The following LGI1 variants were observed in gnomAD, a reference collection of about 807,000 sequenced individuals.
LGI1 encodes leucine rich glioma inactivated 1.
Under a neutral mutation model 57.7 loss-of-function variants are expected in LGI1, and 11 were observed. The ratio of observed to expected loss-of-function variants is 0.19; its 90% CI spans 0.12 to 0.32. The LOEUF (loss-of-function observed/expected upper bound fraction) is 0.32, where lower values mean the gene tolerates loss of function less well. Among genes scored for constraint, LGI1 ranks in the 10% least tolerant of loss-of-function variants. LGI1 has a pLI of 1.00. For synonymous variants in LGI1, 222 were observed against 241.9 expected (o/e 0.92, Z 0.76); for missense variants, 422 against 661.9 (o/e 0.64, Z 3.98).
Position 93,792,913 on chromosome 10 carries a change from G to A in LGI1, c.673+1G>A. ...AAGGATTTTGATTGCATCATTACAG[G>A]TAATGTACTCATCATCATTCCACCT... is the stretch of plus-strand genomic sequence containing the variant. On this transcript the variant is annotated splice_donor_variant, in intron 6 of 7. Transcript: ENST00000371418. LOFTEE classifies it high-confidence loss of function. The A allele has an allele frequency of 6.2e-7, 1 of 1,613,332 alleles. No individual in the cohort carries two copies. The highest frequency in any genetic ancestry group is 8.5e-7 in the Non-Finnish European group (1 of 1,179,398).
chr10:93,792,987 A>C, intron 6 of LGI1, 75 bp downstream of exon 6: 2 of 1,435,680 alleles, frequency 1.4e-6, no homozygotes, highest in East Asian at 4.6e-5. Flanking sequence ...GCAGGAACTG[A>C]TATTTTTTAT....
intron 6 of LGI1, 68 bp downstream of exon 6, chr10:93,792,980 G>T: frequency 6.7e-7 from 1 of 1,481,580 alleles, no homozygotes. Context: ...TTCATGTGCA[G>T]GAACTGATAT....
chr10:93,779,949 C>T (rs544071580), intron 4 of LGI1, among the ~76,000 whole-genome samples: 9 of 152,298 alleles, frequency 5.9e-5, no homozygotes, highest in South Asian at 4.1e-4. Flanking sequence ...TTGACTGATA[C>T]GGCATTGCCA....
At chr10:93,775,545 G>A (rs11187660) in intron 2 of LGI1, among the ~76,000 whole-genome samples, 5,225 of 152,258 alleles carry the variant, frequency 0.034, 314 homozygotes, top group African/African-American at 0.12. Context: ...TTTAGTGTAA[G>A]GTGAATTCCT....
intron 4 of LGI1, among the ~76,000 whole-genome samples, chr10:93,779,509 G>A (rs2059827609): frequency 6.6e-6 from 1 of 150,578 alleles, no homozygotes; most frequent in Non-Finnish European, 1.5e-5. Flanking sequence ...AGAAAAAGAG[G>A]AAGGAAGATG....
intron 2 of LGI1, chr10:93,765,399 A>G (rs1321505345): frequency 6.6e-6 from 1 of 152,160 alleles, no homozygotes; most frequent in African/African-American, 2.4e-5. Flanking sequence ...ACTGAGGTAA[A>G]CCAGAGAAGA....
intron 6 of LGI1, 22 bp from the exon 7 acceptor site, chr10:93,793,164 T>C: frequency 6.3e-7 from 1 of 1,589,160 alleles, no homozygotes; most frequent in Admixed American, 1.7e-5. Flanking sequence ...TCACAGTTAC[T>C]TATTATTTCC....
Position 93,793,268 on chromosome 10 carries a change from C to T in LGI1, c.756C>T (p.Ile252=), listed in dbSNP as rs368264015. The part of the protein sequence containing the change: ...FSYLNDEYVV[I]AQPFTGKCIF... ...ATTTGAATGATGAGTATGTAGTCAT[C>T]GCTCAGCCTTTTACTGGAAAATGCA... Residue 252 remains isoleucine, a synonymous_variant, in exon 7 of 8, where the codon ATC becomes ATT. Transcript: ENST00000371418. The T allele has an allele frequency of 7.7e-5, 124 of 1,612,748 alleles. No individual in the cohort carries two copies. Among genetic ancestry groups the T allele is most frequent in the South Asian group, 1.4e-4 (13 of 91,046 alleles).
chr10:93,790,342 T>G (rs1228929633), intron 5 of LGI1, 172 bp downstream of exon 5: 1 of 617,908 alleles, frequency 1.6e-6, no homozygotes, highest in Non-Finnish European at 2.8e-6. Context: ...CATTTGAGTC[T>G]TCTATGGTAT....
intron 4 of LGI1, among the ~76,000 whole-genome samples, chr10:93,785,612 G>A (rs1294796144): frequency 2.0e-5 from 3 of 152,140 alleles, no homozygotes; most frequent in South Asian, 2.1e-4. Flanking sequence ...TACTTAGCAC[G>A]TATAGCAACT....
At chr10:93,794,362 C>CTT (rs71031540) in intron 7 of LGI1, among the ~76,000 whole-genome samples, 11,245 of 101,060 alleles carry the variant, frequency 0.11, 1,264 homozygotes, top group African/African-American at 0.16. Context: ...CTGGATCTCT[C>CTT]TTTTTTTTTT....
chr10:93,781,203 C>T (rs2059844192), intron 4 of LGI1, among the ~76,000 whole-genome samples: 1 of 151,418 alleles, frequency 6.6e-6, no homozygotes, highest in Non-Finnish European at 1.5e-5. Flanking sequence ...CTAAAAAATA[C>T]AAAAAATTAG....
chr10:93,784,180 A>G (rs79390366), intron 4 of LGI1, among the ~76,000 whole-genome samples: 3,988 of 152,240 alleles, frequency 0.026, 48 homozygotes, highest in Middle Eastern at 0.071. Flanking sequence ...CAAGTCTCTC[A>G]TTGACTGTGT....
chr10:93,794,783 C>T (rs571337943), intron 7 of LGI1: 216 of 151,804 alleles, frequency 1.4e-3, no homozygotes, highest in African/African-American at 4.9e-3. Flanking sequence ...CTTCTAATAC[C>T]TTTAAATCTG....
At position 93,757,969 on chromosome 10, in the gene LGI1, G is replaced by A. The variant is rs963808361; in HGVS notation, c.-176G>A. ...TCACAGGTCTCTTCCCCCGAGCAGT[G>A]CATTGCTGGAGCGAGGAGAAGCTCA... On this transcript the variant is annotated 5_prime_UTR_variant, in exon 1 of 8. Coordinates refer to ENST00000371418, the MANE Select transcript of LGI1 (RefSeq NM_005097.4). 4 of 673,116 alleles carry A rather than the reference G, an allele frequency of 5.9e-6. No homozygotes were observed. The highest frequency in any genetic ancestry group is 1.1e-5 in the Non-Finnish European group (4 of 374,932). The allele number at this position is 673,116 out of a possible 1,614,324, so 41.7% of individuals were successfully genotyped here.
chr10:93,793,412 GGAAA>G, intron 7 of LGI1, 62 bp downstream of exon 7: 2 of 1,365,226 alleles, frequency 1.5e-6, no homozygotes, highest in Non-Finnish European at 2.1e-6. Flanking sequence ...AGGGCAACAA[GGAAA>G]GATGAGTGGT....
intron 2 of LGI1, among the ~76,000 whole-genome samples, chr10:93,774,700 G>A (rs2059774457): frequency 6.6e-6 from 1 of 152,130 alleles, no homozygotes; most frequent in African/African-American, 2.4e-5. Flanking sequence ...GTAGAACACG[G>A]CCACCCTGGT....
chr10:93,777,474 A>C (rs752605919), intron 3 of LGI1, 24 bp downstream of exon 3: 1 of 1,610,516 alleles, frequency 6.2e-7, no homozygotes, highest in South Asian at 1.1e-5. Context: ...CTTTTTTAAA[A>C]CATGATGATT....
intron 2 of LGI1, chr10:93,776,159 T>A (rs2059791850): frequency 6.6e-6 from 1 of 152,202 alleles, no homozygotes; most frequent in Non-Finnish European, 1.5e-5. Context: ...ATTAGAGGCA[T>A]GAGGGATTAG....
Sources: allele counts gnomAD v4.1 joint callset (sites outside exome capture counted in the v4.1 genomes callset), GRCh38; gene constraint gnomAD v4.1.1; transcripts MANE v1.5; gene names NCBI Gene and HGNC (gene_info 2026-07-23, HGNC 2026-07-21).